Variants in ESCO1 observed in about 807,000 individuals in gnomAD.
The protein encoded by ESCO1 is N-acetyltransferase ESCO1.
ESCO1 carries 33 observed loss-of-function variants against 83.5 expected under a neutral mutation model. That is an observed-to-expected ratio of 0.40 (90% CI 0.30 to 0.53). The LOEUF (loss-of-function observed/expected upper bound fraction) is 0.53, where lower values mean the gene tolerates loss of function less well. Ranked by LOEUF, ESCO1 falls within the 20% of genes least tolerant of loss-of-function variation. The probability of loss-of-function intolerance (pLI) is 0.63; values close to 1 mark genes in which losing one functional copy is unlikely to be tolerated. For synonymous variants in ESCO1, 332 were observed against 324.3 expected, an observed-to-expected ratio of 1.02 and a Z score of -0.25; for missense variants, 855 against 968.0, an observed-to-expected ratio of 0.88 and a Z score of 1.55.
chr18:21,552,801 C>T lies in ESCO1; in HGVS notation c.1953+8058G>A, dbSNP rs1206636770. 2.6e-5 allele frequency among the ~76,000 whole-genome samples: 4 copies of T among 152,182 alleles called. No homozygotes were observed. In the East Asian group the frequency reaches 7.7e-4, roughly 29 times the overall value. ...CATCTACATGTAAAAGTAATCTAAA[C>T]ACAGACCTTGCATCTCTCACAAAAA... On this transcript the variant is annotated intron_variant, in intron 8 of 11. Coordinates refer to ENST00000269214, the MANE Select transcript of ESCO1 (RefSeq NM_052911.3).
chr18:21,592,115 C>T (rs1444512402), intron 1 of ESCO1, among the ~76,000 whole-genome samples: 1 of 149,908 alleles, frequency 6.7e-6, no homozygotes, highest in African/African-American at 2.5e-5. Flanking sequence ...AATCTTTTCC[C>T]CACCTTTCCC....
chr18:21,548,115 A>G (rs781391330), intron 8 of ESCO1, among the ~76,000 whole-genome samples: 1 of 151,994 alleles, frequency 6.6e-6, no homozygotes, highest in Non-Finnish European at 1.5e-5. Context: ...AAGAAAAAAG[A>G]AAAAGAAAAG....
rs1441342497 is a variant in ESCO1, at chr18:21,573,592, A to G, written c.1252T>C (p.Leu418=). ...GCTGGTGGTGAAAAACTGGTTCGTA[A>G]TAAGCCTAATTTAGGGGAAACTTGA... The part of the protein sequence containing the change: ...DSQVSPKLGL[L]RTSFSPPALE... The change falls in exon 4 of 12, where the codon TTA becomes CTA. Residue 418 remains leucine (L), a synonymous_variant. Coordinates refer to ENST00000269214, the MANE Select transcript of ESCO1 (RefSeq NM_052911.3). 1 of 1,614,168 alleles carries G rather than the reference A, an allele frequency of 6.2e-7. No homozygotes were observed. Among genetic ancestry groups the G allele is most frequent in the East Asian group, 2.2e-5 (1 of 44,868 alleles).
At chr18:21,549,489 C>A (rs9946131) in intron 8 of ESCO1, among the ~76,000 whole-genome samples, 149,592 of 152,034 alleles carry the variant, frequency 0.98, 73,638 homozygotes, top group East Asian at 1. Context: ...ATCTCAGCTC[C>A]CTGCAATCTC....
At chr18:21,578,926 T>G (rs867868819) in intron 2 of ESCO1, among the ~76,000 whole-genome samples, 4 of 152,236 alleles carry the variant, frequency 2.6e-5, no homozygotes, top group Admixed American at 2.0e-4. Context: ...AGTGGCACCA[T>G]CTCGGCTCAC....
intron 8 of ESCO1, among the ~76,000 whole-genome samples, chr18:21,552,270 C>T (rs1291650481): frequency 2.6e-5 from 4 of 152,152 alleles, no homozygotes; most frequent in Non-Finnish European, 5.9e-5. Flanking sequence ...TATGGTTTGG[C>T]TGTGTCCCCA....
intron 8 of ESCO1, chr18:21,540,705 AT>A: frequency 7.8e-7 from 1 of 1,274,540 alleles, no homozygotes; most frequent in Non-Finnish European, 1.0e-6. Context: ...CAGAACCTGC[AT>A]AAAAAAACAA....
chr18:21,538,970 T>C (rs2037870646), intron 9 of ESCO1, among the ~76,000 whole-genome samples: 1 of 152,150 alleles, frequency 6.6e-6, no homozygotes, highest in African/African-American at 2.4e-5. Flanking sequence ...TATAATAAAA[T>C]GGTTCCAGGA....
intron 2 of ESCO1, among the ~76,000 whole-genome samples, chr18:21,580,959 C>T (rs1001168582): frequency 6.6e-6 from 1 of 152,182 alleles, no homozygotes; most frequent in African/African-American, 2.4e-5. Flanking sequence ...CATTGCACTC[C>T]AGCCTGGGCA....
At chr18:21,568,139 A>T in intron 4 of ESCO1, 45 bp from the exon 5 acceptor site, 1 of 1,409,146 alleles carries the variant, frequency 7.1e-7, no homozygotes, top group Non-Finnish European at 9.9e-7. Flanking sequence ...TTTGGGTTTT[A>T]TCTAAATAAA....
rs1269862109 is a variant in ESCO1, at chr18:21,540,600, G to A, written c.1954-591C>T. 3 of 1,331,916 alleles carry A rather than the reference G, an allele frequency of 2.3e-6. No individual in the cohort carries two copies. In the East Asian group the frequency reaches 1.4e-4, roughly 62 times the overall value. The allele number at this position is 1,331,916 out of a possible 1,614,324, so 82.5% of individuals were successfully genotyped here. On this transcript the variant is annotated intron_variant, in intron 8 of 11. Coordinates refer to ENST00000269214, the MANE Select transcript of ESCO1 (RefSeq NM_052911.3). ...ACCTTCTAAGAATCTAATAGGGAAG[G>A]AGAAGCTACGTTGTGTGTATCTGAA...
rs201760915 is a variant in ESCO1 at position 21,561,017 on chromosome 18, T to C, written c.1822-27A>G. The C allele has an allele frequency of 1.2e-4, 182 of 1,563,074 alleles. 1 individual carries two copies. Among genetic ancestry groups the C allele is most frequent in the Non-Finnish European group, 1.7e-5 (20 of 1,160,572 alleles). ...TATTTACAAAAAACACACAAAAGTTTTTTTCCTCCCAAAAGAATTATTTCA... is the reference window on the plus strand; with the variant it reads ...TATTTACAAAAAACACACAAAAGTTCTTTTCCTCCCAAAAGAATTATTTCA... On this transcript the variant is annotated intron_variant, in intron 7 of 11. Coordinates refer to ENST00000269214, the MANE Select transcript of ESCO1 (RefSeq NM_052911.3).
chr18:21,592,154 T>A (rs1171276213), intron 1 of ESCO1, among the ~76,000 whole-genome samples: 2 of 149,128 alleles, frequency 1.3e-5, no homozygotes, highest in Non-Finnish European at 3.0e-5. Context: ...ACCACCATTG[T>A]CATCATGGCC....
At chr18:21,553,449 TA>T (rs59086552) in intron 8 of ESCO1, among the ~76,000 whole-genome samples, 6 of 117,566 alleles carry the variant, frequency 5.1e-5, no homozygotes, top group African/African-American at 1.5e-4. Context: ...CTATTTTTAT[TA>T]AAAAAAAAAA....
intron 2 of ESCO1, among the ~76,000 whole-genome samples, chr18:21,582,910 G>A (rs925974612): frequency 2.0e-5 from 3 of 152,202 alleles, no homozygotes; most frequent in Non-Finnish European, 2.9e-5. Flanking sequence ...TTAATTTCAC[G>A]CCTGGCGTGA....
chr18:21,582,056 C>A lies in ESCO1; in HGVS notation c.-694+2254G>T, dbSNP rs530842967. ...TGAGCCGTGATTATGCCACTACACA[C>A]CAGCCTGGGCGACAGAGACCCCATC... is the stretch of plus-strand genomic sequence containing the variant. On this transcript the variant is annotated intron_variant, in intron 2 of 11. Coordinates refer to ENST00000269214, the MANE Select transcript of ESCO1 (RefSeq NM_052911.3). Among the ~76,000 whole-genome samples the A allele has an allele frequency of 2.4e-4, 37 of 152,156 alleles. No homozygotes were observed. The East Asian group carries it at 5.8e-3, about 24-fold the overall frequency.
chr18:21,534,283 T>A (rs369588111), intron 10 of ESCO1, among the ~76,000 whole-genome samples: 1 of 152,222 alleles, frequency 6.6e-6, no homozygotes, highest in East Asian at 1.9e-4. Context: ...CAAGGTCTTA[T>A]TTTTCACTCA....
In ESCO1 at chr18:21,573,715, T is replaced by G; in HGVS notation, c.1129A>C (p.Ile377Leu). 1.2e-6 allele frequency: 2 copies of G among 1,614,080 alleles called. No homozygotes were observed. The highest frequency in any genetic ancestry group is 1.7e-6 in the Non-Finnish European group (2 of 1,180,034). Residue 377 changes from isoleucine (I) to leucine (L), a missense_variant, in exon 4 of 12, where the codon ATA becomes CTA. Ile to Leu is a conservative substitution (Grantham distance 5). Transcript: ENST00000269214. ...GCTGAGCTGTTTATTCCATTTAGTA[T>G]ACATTTCACAGGCTTTGTTTTTCTA... is the stretch of plus-strand genomic sequence containing the variant. ...PSRKTKPVKC[I>L]LNGINSSAKK...
intron 7 of ESCO1, among the ~76,000 whole-genome samples, chr18:21,561,643 G>A (rs537910054): frequency 1.6e-4 from 25 of 152,266 alleles, no homozygotes; most frequent in African/African-American, 5.5e-4. Context: ...GACCAGGTTG[G>A]TCTTGAACTC....
Sources: gnomAD v4.1 joint callset for allele counts (sites outside exome capture counted in the v4.1 genomes callset) on GRCh38, gnomAD v4.1.1 for gene constraint, MANE v1.5 for transcripts, NCBI Gene and HGNC (gene_info 2026-07-23, HGNC 2026-07-21) for gene names.